SCRT2: variants seen among roughly 807,000 people sequenced by gnomAD.
SCRT2 encodes the protein transcriptional repressor scratch 2.
Under a neutral mutation model 3.7 loss-of-function variants are expected in SCRT2, and 2 were observed. The observed-to-expected ratio is 0.54, with a 90% CI of 0.22 to 1.70. SCRT2 has a LOEUF of 1.70. Among genes scored for constraint, SCRT2 ranks in the 40% most tolerant of loss-of-function variants. The pLI, the probability that SCRT2 is intolerant of heterozygous loss-of-function variation, is 0.19. For missense variants in SCRT2, 456 were observed against 468.5 expected (o/e 0.97, Z 0.25); for synonymous variants, 256 against 220.6 (o/e 1.16, Z -1.42).
At chr20:671,267 C>G (rs1984322458) in intron 1 of SCRT2, among the ~76,000 whole-genome samples, 1 of 152,210 alleles carries the variant, frequency 6.6e-6, no homozygotes, top group Admixed American at 6.5e-5. Flanking sequence ...GGACCTGGTC[C>G]TATACCTGAA....
Position 663,912 on chromosome 20 carries a change from T to C in SCRT2, c.683A>G (p.Gln228Arg). 6.2e-7 allele frequency: 1 copy of C among 1,607,068 alleles called. No homozygotes were observed. Among genetic ancestry groups the C allele is most frequent in the Non-Finnish European group, 8.5e-7 (1 of 1,178,902 alleles). Residue 228 changes from glutamine (Q) to arginine (R), a missense_variant, in exon 2 of 2, where the codon CAG becomes CGG. By Grantham distance (43) the Gln-to-Arg change is conservative (BLOSUM62 1). Transcript: ENST00000246104. The surrounding 1 kb of genome is among the most constrained non-coding windows in gnomAD (Gnocchi z 6.9). Reference sequence around the variant, plus strand: ...GCCGGTGTGCGAGCGCATGTGACCCTGCAGCAGCCAGGGCCGCGAGAAGGC... The same window carrying C: ...GCCGGTGTGCGAGCGCATGTGACCCCGCAGCAGCCAGGGCCGCGAGAAGGC... ...GKAFSRPWLL[Q>R]GHMRSHTGEK...
rs989340768 is a variant in SCRT2 at position 664,503 on chromosome 20, C to G, written c.134-42G>C. On this transcript the variant is annotated intron_variant, in intron 1 of 1. Transcript: ENST00000246104. This position sits in a 1 kb window ranked among gnomAD's most constrained non-coding sequence, Gnocchi z 7.9. ...GTGGAGGGGCGGTGAGAGGAGGCGC[C>G]GAAGAGGGTTTCCCGCTTTGAGCGC... 11 of 1,200,036 alleles carry G rather than the reference C, an allele frequency of 9.2e-6. No individual in the cohort carries two copies. In the Admixed American group the frequency reaches 2.1e-4, roughly 23 times the overall value. The allele number at this position is 1,200,036 out of a possible 1,614,324, so 74.3% of individuals were successfully genotyped here. A position where few individuals can be genotyped will look rare whatever the true frequency, so the allele number is the denominator to read the frequency against.
Position 667,599 on chromosome 20 carries a change from C to G in SCRT2, c.134-3138G>C, listed in dbSNP as rs991021831. The stretch of plus-strand genomic sequence containing the variant: ...CCATGAGGTGCTCTGCCCATGGCGC[C>G]CTCTGCTGGTGGCCCTCAGCGCTGT... On this transcript the variant is annotated intron_variant, in intron 1 of 1. Coordinates refer to ENST00000246104, the MANE Select transcript of SCRT2 (RefSeq NM_033129.4). The surrounding 1 kb of genome is among the most constrained non-coding windows in gnomAD (Gnocchi z 4.4). 2.0e-5 allele frequency among the ~76,000 whole-genome samples: 3 copies of G among 152,142 alleles called. No individual in the cohort carries two copies. Among genetic ancestry groups the G allele is most frequent in the African/African-American group, 7.2e-5 (3 of 41,428 alleles).
chr20:664,426 C>T lies in SCRT2; in HGVS notation c.169G>A (p.Asp57Asn). Residue 57 changes from aspartate to asparagine, a missense_variant, in exon 2 of 2, where the codon GAT becomes AAT. By Grantham distance (23) the Asp-to-Asn change is conservative. Around this residue, in one of 3 missense-constraint regions of SCRT2, gnomAD observed 306 missense variants for 305.3 expected, o/e 1.00. Coordinates refer to ENST00000246104, the MANE Select transcript of SCRT2 (RefSeq NM_033129.4). This position sits in a 1 kb window ranked among gnomAD's most constrained non-coding sequence, Gnocchi z 7.9. ...APHRLPPSSY[D>N]ADQKPGLELA... ...TCCAGGCCCGGCTTCTGGTCCGCAT[C>T]GTAGCTGCTCGGGGGCAGGCGGTGC... is the stretch of plus-strand genomic sequence containing the variant. 1 of 1,315,354 alleles carries T rather than the reference C, an allele frequency of 7.6e-7. No individual in the cohort carries two copies. Among genetic ancestry groups the T allele is most frequent in the Non-Finnish European group, 9.8e-7 (1 of 1,025,400 alleles). The allele number at this position is 1,315,354 out of a possible 1,614,324, so 81.5% of individuals were successfully genotyped here. A position where few individuals can be genotyped will look rare whatever the true frequency, so the allele number is the denominator to read the frequency against.
At chr20:673,825 G>A (rs77689731) in intron 1 of SCRT2, among the ~76,000 whole-genome samples, 1,767 of 152,278 alleles carry the variant, frequency 0.012, 41 homozygotes, top group African/African-American at 0.04. Flanking sequence ...GGGGCTTCAG[G>A]GGGTGGAATC....
Position 663,949 on chromosome 20 carries a change from C to G in SCRT2, c.646G>C (p.Val216Leu). ...LTHNLRHKCG[V>L]CGKAFSRPWL... ...GGCCGCGAGAAGGCCTTGCCGCAGA[C>G]GCCGCACTTGTGGCGCAGGTTGTGC... Residue 216 changes from valine (V) to leucine (L), a missense_variant, in exon 2 of 2, where the codon GTC (valine) becomes CTC (leucine). Transcript: ENST00000246104. The surrounding 1 kb of genome is among the most constrained non-coding windows in gnomAD (Gnocchi z 6.9). 1 of 1,609,610 alleles carries G rather than the reference C, an allele frequency of 6.2e-7. No homozygotes were observed. The highest frequency in any genetic ancestry group is 8.5e-7 in the Non-Finnish European group (1 of 1,179,510).
At chr20:672,785 TC>T (rs986292061) in intron 1 of SCRT2, among the ~76,000 whole-genome samples, 6 of 128,136 alleles carry the variant, frequency 4.7e-5, no homozygotes, top group African/African-American at 1.5e-4. Flanking sequence ...CTCCTCATCT[TC>T]CCCCCCTCCT....
chr20:671,374 A>T (rs1020655791), intron 1 of SCRT2, among the ~76,000 whole-genome samples: 3 of 152,142 alleles, frequency 2.0e-5, no homozygotes, highest in African/African-American at 7.2e-5. Context: ...GGCCTCTGAC[A>T]TGTCTTTAAC....
intron 1 of SCRT2, among the ~76,000 whole-genome samples, chr20:671,223 AT>A (rs1984321279): frequency 6.6e-6 from 1 of 152,234 alleles, no homozygotes; most frequent in Non-Finnish European, 1.5e-5. Flanking sequence ...ACCTGGACCT[AT>A]AACCTCAGAC....
In SCRT2 at chr20:664,317, G is replaced by A. The variant is rs1403157294; in HGVS notation, c.278C>T (p.Ala93Val). Residue 93 changes from alanine to valine, a missense_variant, in exon 2 of 2, where the codon GCG becomes GTG. Physicochemically the swap from Ala to Val is moderately conservative, Grantham distance 64. Around this residue, in one of 3 missense-constraint regions of SCRT2, gnomAD observed 306 missense variants for 305.3 expected, o/e 1.00. Transcript: ENST00000246104. The surrounding 1 kb of genome is among the most constrained non-coding windows in gnomAD (Gnocchi z 7.9). Reference sequence around the variant, plus strand: ...TGCCGCCTCCCCTCGGAAGTAGCGCGCCGACAGGCTCGACTGCGGGCTTTC... The same window carrying A: ...TGCCGCCTCCCCTCGGAAGTAGCGCACCGACAGGCTCGACTGCGGGCTTTC... Reference protein sequence around the residue: ...DPESPQSSLSARYFRGEAAVT... With the variant: ...DPESPQSSLSVRYFRGEAAVT... 4 of 1,504,920 alleles carry A rather than the reference G, an allele frequency of 2.7e-6. No homozygotes were observed. In the South Asian group the frequency reaches 5.0e-5, roughly 19 times the overall value. The allele number at this position is 1,504,920 out of a possible 1,614,324, so 93.2% of individuals were successfully genotyped here.
Position 664,091 on chromosome 20 carries a change from C to T in SCRT2, c.504G>A (p.Ser168=), listed in dbSNP as rs774898435. ...GCGTCTGCTTGTGGCGGCTCAGGTT[C>T]GACGACGTGGCGTAGGTCTTGCCGC... ...AECGKTYATS[S]NLSRHKQTHR... is the part of the protein sequence containing the mutation. The change falls in exon 2 of 2, where the codon TCG becomes TCA. Residue 168 remains serine, a synonymous_variant. Coordinates refer to ENST00000246104, the MANE Select transcript of SCRT2 (RefSeq NM_033129.4). This position sits in a 1 kb window ranked among gnomAD's most constrained non-coding sequence, Gnocchi z 7.9. The T allele has an allele frequency of 6.2e-7, 1 of 1,609,038 alleles. No homozygotes were observed. The highest frequency in any genetic ancestry group is 1.3e-5 in the African/African-American group (1 of 74,718).
rs1984154669 is a variant in SCRT2, at chr20:666,344, G to A, written c.134-1883C>T. On this transcript the variant is annotated intron_variant, in intron 1 of 1. Transcript: ENST00000246104. This position sits in a 1 kb window ranked among gnomAD's most constrained non-coding sequence, Gnocchi z 4.4. ...AGGTCCCAGAACATTCAGGAGTGTT[G>A]TTTCAGACTGAGTTAAATACCCGTC... Among the ~76,000 whole-genome samples the A allele has an allele frequency of 1.3e-5, 2 of 152,084 alleles. No homozygotes were observed. Among genetic ancestry groups the A allele is most frequent in the Non-Finnish European group, 2.9e-5 (2 of 68,006 alleles).
At chr20:669,692 G>C (rs543807839) in intron 1 of SCRT2, among the ~76,000 whole-genome samples, 1 of 152,344 alleles carries the variant, frequency 6.6e-6, no homozygotes, top group East Asian at 1.9e-4. Context: ...TCGAGAATCA[G>C]CTCCAGCCAG....
rs193147283 is a variant in SCRT2 at position 667,874 on chromosome 20, G to A, written c.134-3413C>T. Among the ~76,000 whole-genome samples the A allele has an allele frequency of 5.9e-5, 9 of 152,090 alleles. No homozygotes were observed. The highest frequency in any genetic ancestry group is 8.8e-5 in the Non-Finnish European group (6 of 68,012). On this transcript the variant is annotated intron_variant, in intron 1 of 1. Transcript: ENST00000246104. The surrounding 1 kb of genome is among the most constrained non-coding windows in gnomAD (Gnocchi z 4.4). ...GCCAGGTTGCTTAACCTTTCTGGGC[G>A]GAATCTATACATGACAAAGATGGAC...
At chr20:669,792 C>A (rs1338953260) in intron 1 of SCRT2, among the ~76,000 whole-genome samples, 2 of 152,198 alleles carry the variant, frequency 1.3e-5, no homozygotes, top group Non-Finnish European at 2.9e-5. Flanking sequence ...GGGCTGGGTA[C>A]CTCCCCCTCC....
chr20:667,332 C>T lies in SCRT2; in HGVS notation c.134-2871G>A, dbSNP rs1237354080. 3.9e-5 allele frequency among the ~76,000 whole-genome samples: 6 copies of T among 152,216 alleles called. No individual in the cohort carries two copies. The highest frequency in any genetic ancestry group is 4.4e-5 in the Non-Finnish European group (3 of 68,038). On this transcript the variant is annotated intron_variant, in intron 1 of 1. Coordinates refer to ENST00000246104, the MANE Select transcript of SCRT2 (RefSeq NM_033129.4). The surrounding 1 kb of genome is among the most constrained non-coding windows in gnomAD (Gnocchi z 4.4). ...CAGCTGATAAGTTAGAGCCAGGATT[C>T]CAGCTCAGTGGCTGGCACATTTTAA...
chr20:665,608 C>T lies in SCRT2; in HGVS notation c.134-1147G>A, dbSNP rs1273170439. ...ATGGGCAGGGGCCATTCTGATTTGCCTCTGCCTCCCATGGCCTAGGCTGGT... is the reference window on the plus strand; with the variant it reads ...ATGGGCAGGGGCCATTCTGATTTGCTTCTGCCTCCCATGGCCTAGGCTGGT... On this transcript the variant is annotated intron_variant, in intron 1 of 1. Coordinates refer to ENST00000246104, the MANE Select transcript of SCRT2 (RefSeq NM_033129.4). The surrounding 1 kb of genome is among the most constrained non-coding windows in gnomAD (Gnocchi z 5.0). Among the ~76,000 whole-genome samples the T allele has an allele frequency of 6.6e-6, 1 of 152,182 alleles. No individual in the cohort carries two copies. The highest frequency in any genetic ancestry group is 1.5e-5 in the Non-Finnish European group (1 of 68,026).
At chr20:672,209 C>T (rs1984355227) in intron 1 of SCRT2, among the ~76,000 whole-genome samples, 1 of 152,154 alleles carries the variant, frequency 6.6e-6, no homozygotes, top group Admixed American at 6.5e-5. Flanking sequence ...TCTATTCCCA[C>T]TTATCAGGGA....
In SCRT2 at chr20:663,010, GGT is replaced by G. The variant is rs377620377; in HGVS notation, c.*659_*660del. 5.3e-5 allele frequency: 8 copies of G among 151,718 alleles called. No homozygotes were observed. The highest frequency in any genetic ancestry group is 1.9e-4 in the East Asian group (1 of 5,170). The allele number at this position is 151,718 out of a possible 1,614,324, so 9.4% of individuals were successfully genotyped here. ...ACTGTGTGTGGGAGTGGGGTGTGGGGGTGTGTGTGTGTGTGAATGGCCAGACC... is the reference window on the plus strand; with the variant it reads ...ACTGTGTGTGGGAGTGGGGTGTGGGGGTGTGTGTGTGTGAATGGCCAGACC... On this transcript the variant is annotated 3_prime_UTR_variant, in exon 2 of 2. Transcript: ENST00000246104. The surrounding 1 kb of genome is among the most constrained non-coding windows in gnomAD (Gnocchi z 6.9).
Sources: gnomAD v4.1 joint callset for allele counts (sites outside exome capture counted in the v4.1 genomes callset) on GRCh38, gnomAD v4.1.1 for gene constraint, gnomAD v4.1.1 regional missense constraint, Gnocchi (gnomAD v3.1) non-coding constraint, MANE v1.5 for transcripts, NCBI Gene and HGNC (gene_info 2026-07-23, HGNC 2026-07-21) for gene names.